MUC5B: variants seen among roughly 807,000 people sequenced by gnomAD.
The protein encoded by MUC5B is mucin-5B.
A neutral mutation model predicts 376.9 loss-of-function variants in MUC5B; 116 were observed. The observed-to-expected ratio is 0.31, with a 90% CI of 0.26 to 0.36. The LOEUF (loss-of-function observed/expected upper bound fraction) is 0.36, where lower values mean the gene tolerates loss of function less well. MUC5B is among the 10% of genes least tolerant of loss of function. The pLI, the probability that MUC5B is intolerant of heterozygous loss-of-function variation, is 1.00. For missense variants in MUC5B, 7,165 were observed against 7,769.9 expected, an observed-to-expected ratio of 0.92 and a Z score of 2.93; for synonymous variants, 3,517 against 3,390.9, an observed-to-expected ratio of 1.04 and a Z score of -1.29.
chr11:1,242,807 C>T lies in MUC5B; in HGVS notation c.5927C>T (p.Thr1976Ile), dbSNP rs1459544815. 1 of 1,613,704 alleles carries T rather than the reference C, an allele frequency of 6.2e-7. No homozygotes were observed. The highest frequency in any genetic ancestry group is 1.1e-5 in the South Asian group (1 of 91,072). ...PALRSTATTPTATSVTPIPSS... is the reference protein window; with the variant it reads ...PALRSTATTPIATSVTPIPSS... ...CTGAGAAGCACAGCCACCACACCCA[C>T]AGCTACCAGCGTTACACCCATCCCC... is the stretch of plus-strand genomic sequence containing the variant. The change falls in exon 31 of 49, where the codon ACA becomes ATA. Residue 1976 changes from threonine to isoleucine, a missense_variant. Coordinates refer to ENST00000529681, the MANE Select transcript of MUC5B (RefSeq NM_002458.3).
In MUC5B at chr11:1,260,214, A is replaced by G. The variant is rs1315104200; in HGVS notation, c.16923+129A>G. 7.3e-5 allele frequency: 98 copies of G among 1,333,504 alleles called. 2 individuals are homozygous for G. The African/African-American group carries it at 1.2e-3, about 17-fold the overall frequency. The allele number at this position is 1,333,504 out of a possible 1,614,324, so 82.6% of individuals were successfully genotyped here. On this transcript the variant is annotated intron_variant, in intron 46 of 48. Transcript: ENST00000529681. ...GGGGAGGCCCCACCCCTGCCTGGGA[A>G]GCCCCACCCCTGCCTGGGAGGCCCC...
At position 1,250,045 on chromosome 11, in the gene MUC5B, A is replaced by G. The variant is rs1311577009; in HGVS notation, c.13165A>G (p.Thr4389Ala). 23 of 1,610,014 alleles carry G rather than the reference A, an allele frequency of 1.4e-5. No homozygotes were observed. The highest frequency in any genetic ancestry group is 1.9e-5 in the Non-Finnish European group (22 of 1,177,904). Residue 4389 changes from threonine to alanine, a missense_variant, in exon 31 of 49, where the codon ACC (threonine) becomes GCC (alanine). Physicochemically the swap from Thr to Ala is moderately conservative, Grantham distance 58. This residue lies in a region of MUC5B where 431 missense variants were observed against 390.4 expected (regional missense o/e 1.10). Transcript: ENST00000529681. The part of the protein sequence containing the change: ...TSTPSSTPGT[T>A]WILTELTTAA... ...CACCCCCTCCTCCACTCCGGGGACGACCTGGATCCTCACAGAGCTGACCAC... is the reference window on the plus strand; with the variant it reads ...CACCCCCTCCTCCACTCCGGGGACGGCCTGGATCCTCACAGAGCTGACCAC...
At chr11:1,256,282 G>C (rs1357643221) in intron 38 of MUC5B, 57 bp downstream of exon 38, 1 of 711,290 alleles carries the variant, frequency 1.4e-6, no homozygotes, top group Non-Finnish European at 2.6e-6. Context: ...TGACCGGTCT[G>C]GGGGAGCAGG....
Position 1,241,965 on chromosome 11 carries a change from A to G in MUC5B, c.5085A>G (p.Thr1695=), listed in dbSNP as rs1862296255. ...GGGTGGCCACATCCACCCTTCCAACACGCTCAGCCCTTCCAGGGACGACGG... is the reference window on the plus strand; with the variant it reads ...GGGTGGCCACATCCACCCTTCCAACGCGCTCAGCCCTTCCAGGGACGACGG... ...VPGVATSTLP[T]RSALPGTTGS... Residue 1695 remains threonine (T), a synonymous_variant, in exon 31 of 49, where the codon ACA becomes ACG. Coordinates refer to ENST00000529681, the MANE Select transcript of MUC5B (RefSeq NM_002458.3). 1 of 1,602,626 alleles carries G rather than the reference A, an allele frequency of 6.2e-7. No individual in the cohort carries two copies. The highest frequency in any genetic ancestry group is 8.5e-7 in the Non-Finnish European group (1 of 1,175,144).
At position 1,226,883 on chromosome 11, in the gene MUC5B, C is replaced by T. The variant is rs369279237; in HGVS notation, c.461+7C>T. The T allele has an allele frequency of 6.4e-5, 103 of 1,600,856 alleles. No homozygotes were observed. The highest frequency in any genetic ancestry group is 5.4e-4 in the East Asian group (24 of 44,496). On this transcript the variant is annotated splice_region_variant and intron_variant, in intron 4 of 48. Transcript: ENST00000529681. Reference sequence around the variant, plus strand: ...TCCTCATCAATGGGCAGCGGTGAGCCGGCCACCCTGGGGAGGGGCGAGGGC... The same window carrying T: ...TCCTCATCAATGGGCAGCGGTGAGCTGGCCACCCTGGGGAGGGGCGAGGGC...
Position 1,244,902 on chromosome 11 carries a change from G to A in MUC5B, c.8022G>A (p.Met2674Ile). The change falls in exon 31 of 49, where the codon ATG (methionine) becomes ATA (isoleucine). Residue 2674 changes from methionine (M) to isoleucine (I), a missense_variant. Coordinates refer to ENST00000529681, the MANE Select transcript of MUC5B (RefSeq NM_002458.3). ...CCACAACTGTGGCCACTGGTTCTAT[G>A]GCAACACCCTCCTCTAGCACACAGA... ...TTTTTVATGS[M>I]ATPSSSTQTS... The A allele has an allele frequency of 6.2e-7, 1 of 1,604,834 alleles. No individual in the cohort carries two copies. The highest frequency in any genetic ancestry group is 2.3e-5 in the East Asian group (1 of 44,368).
In MUC5B at chr11:1,232,984, C is replaced by G; in HGVS notation, c.2066-29C>G. The G allele has an allele frequency of 2.6e-6, 4 of 1,544,916 alleles. No individual in the cohort carries two copies. In the South Asian group the frequency reaches 4.7e-5, roughly 18 times the overall value. On this transcript the variant is annotated intron_variant, in intron 17 of 48. Transcript: ENST00000529681. ...GCTGGCCAGGCTGCTCGGCCGCTGA[C>G]CTGTCCCCCCTGGCCCCACCGACCA...
rs768903752 is a variant in MUC5B, at chr11:1,260,327, C to T, written c.16924-24C>T. The T allele has an allele frequency of 5.6e-5, 91 of 1,610,894 alleles. No homozygotes were observed. The Admixed American group carries it at 1.5e-3, about 26-fold the overall frequency. The stretch of plus-strand genomic sequence containing the variant: ...CAGGGAGGCCCCGCCCACAGCCCTG[C>T]CCCCTGTCTTTGGCCCCCACCAGGG... On this transcript the variant is annotated intron_variant, in intron 46 of 48. Transcript: ENST00000529681.
Position 1,244,505 on chromosome 11 carries a change from C to T in MUC5B, c.7625C>T (p.Ser2542Phe), listed in dbSNP as rs781729906. ...GCTACCAGCTTTACAGCCATCCCCT[C>T]CTCCTCCCTGGGCACCACCTGGACC... ...PTATSFTAIP[S>F]SSLGTTWTRL... Residue 2542 changes from serine (S) to phenylalanine (F), a missense_variant, in exon 31 of 49, where the codon TCC becomes TTC. Physicochemically the swap from Ser to Phe is radical, Grantham distance 155 (BLOSUM62 -2). Coordinates refer to ENST00000529681, the MANE Select transcript of MUC5B (RefSeq NM_002458.3). 6.5e-6 allele frequency: 10 copies of T among 1,540,054 alleles called. No homozygotes were observed. In the South Asian group the frequency reaches 1.1e-4, roughly 17 times the overall value.
chr11:1,235,206 G>A lies in MUC5B; in HGVS notation c.2752G>A (p.Glu918Lys), dbSNP rs1279676095. 8.1e-6 allele frequency: 13 copies of A among 1,612,812 alleles called. No homozygotes were observed. Among genetic ancestry groups the A allele is most frequent in the African/African-American group, 1.3e-5 (1 of 74,878 alleles). The change falls in exon 22 of 49, where the codon GAG becomes AAG. Residue 918 changes from glutamate (E) to lysine (K), a missense_variant. This residue lies in a region of MUC5B where 530 missense variants were observed against 604.0 expected (regional missense o/e 0.88). Coordinates refer to ENST00000529681, the MANE Select transcript of MUC5B (RefSeq NM_002458.3). ...TCGCTACAGCTTTGAAGGCAGCTGC[G>A]AGTACATCTTGGCCCAGGTACGCCG... ...GDRYSFEGSC[E>K]YILAQDYCGD... is the part of the protein sequence containing the mutation.
At position 1,247,894 on chromosome 11, in the gene MUC5B, C is replaced by A. The variant is rs1364030502; in HGVS notation, c.11014C>A (p.Pro3672Thr). The change falls in exon 31 of 49, where the codon CCC (proline) becomes ACC (threonine). Residue 3672 changes from proline (P) to threonine (T), a missense_variant. By Grantham distance (38) the Pro-to-Thr change is conservative. Coordinates refer to ENST00000529681, the MANE Select transcript of MUC5B (RefSeq NM_002458.3). ...GTTCTGCTGCAACTACGGCCACTGC[C>A]CCAGCACCCCGGCCACCAGCTCTAC... is the stretch of plus-strand genomic sequence containing the variant. ...RVFCCNYGHC[P>T]STPATSSTAT... 6.2e-7 allele frequency: 1 copy of A among 1,611,392 alleles called. No individual in the cohort carries two copies. The highest frequency in any genetic ancestry group is 8.5e-7 in the Non-Finnish European group (1 of 1,178,928).
At chr11:1,254,017 C>A (rs535889992) in intron 33 of MUC5B, 75 bp from the exon 34 acceptor site, 51 of 1,536,248 alleles carry the variant, frequency 3.3e-5, no homozygotes, top group Non-Finnish European at 3.6e-5. Flanking sequence ...ACAGTGGTGA[C>A]GCTGGCTGCC....
At position 1,240,962 on chromosome 11, in the gene MUC5B, T is replaced by C. The variant is rs1425142029; in HGVS notation, c.4082T>C (p.Phe1361Ser). ...CTGGGAGGCGGAGACTTTGAGACGT[T>C]TGAAAACCTGAGGCAGAGAGGGTAC... ...PGLGGGDFET[F>S]ENLRQRGYQV... is the part of the protein sequence containing the mutation. Residue 1361 changes from phenylalanine (F) to serine (S), a missense_variant, in exon 31 of 49, where the codon TTT (phenylalanine) becomes TCT (serine). Phe to Ser is a radical substitution (Grantham distance 155). Coordinates refer to ENST00000529681, the MANE Select transcript of MUC5B (RefSeq NM_002458.3). 6.2e-7 allele frequency: 1 copy of C among 1,613,420 alleles called. No individual in the cohort carries two copies. The highest frequency in any genetic ancestry group is 1.7e-5 in the Admixed American group (1 of 60,030).
chr11:1,256,519 G>A (rs1414663847), intron 38 of MUC5B, 152 bp from the exon 39 acceptor site: 78 of 41,954 alleles, frequency 1.9e-3, no homozygotes, highest in East Asian at 4.4e-3. Context: ...AGCCCCACCC[G>A]TCCCCGCCCC....
chr11:1,251,213 TCCACACCTCCTCTACTCCAGAGACCAC>T lies in MUC5B; in HGVS notation c.14344_14370del (p.Ser4782_Ser4790del), dbSNP rs1207685202. On this transcript the variant is annotated inframe_deletion, in exon 31 of 49. Coordinates refer to ENST00000529681, the MANE Select transcript of MUC5B (RefSeq NM_002458.3). Reference sequence around the variant, plus strand: ...ACACCCATGTCCACCATGTCCACAATCCACACCTCCTCTACTCCAGAGACCACCCACACCTCCACAGTGCTGACCACC... The same window carrying T: ...ACACCCATGTCCACCATGTCCACAATCCACACCTCCACAGTGCTGACCACC... The T allele has an allele frequency of 6.2e-6, 10 of 1,609,794 alleles. No homozygotes were observed. The highest frequency in any genetic ancestry group is 8.5e-6 in the Non-Finnish European group (10 of 1,177,862).
In MUC5B at chr11:1,230,498, C is replaced by T. The variant is rs557025336; in HGVS notation, c.1368C>T (p.Ala456=). The change falls in exon 12 of 49, where the codon GCC becomes GCT. Residue 456 remains alanine (A), a synonymous_variant. Coordinates refer to ENST00000529681, the MANE Select transcript of MUC5B (RefSeq NM_002458.3). The part of the protein sequence containing the change: ...DCSYVLSKKC[A]DSSFTVLAEL... ...TGGGTCCTTCTCCCCAGAAATGTGC[C>T]GACAGCAGCTTCACCGTGCTGGCTG... The T allele has an allele frequency of 7.1e-5, 114 of 1,606,198 alleles. No homozygotes were observed. The East Asian group carries it at 8.7e-4, about 12-fold the overall frequency.
Position 1,235,396 on chromosome 11 carries a change from A to G in MUC5B, c.2863A>G (p.Ile955Val), listed in dbSNP as rs1862134426. ...CACCGGCACCACCTGCTCCAAGGCC[A>G]TCAAGCTCTTCGTGGAGGTGAGAAC... ...GTTGTTCSKA[I>V]KLFVESYELI... Residue 955 changes from isoleucine to valine, a missense_variant, in exon 23 of 49, where the codon ATC (isoleucine) becomes GTC (valine). Physicochemically the swap from Ile to Val is conservative, Grantham distance 29. Coordinates refer to ENST00000529681, the MANE Select transcript of MUC5B (RefSeq NM_002458.3). The G allele has an allele frequency of 2.5e-6, 4 of 1,611,894 alleles. No homozygotes were observed. The highest frequency in any genetic ancestry group is 3.4e-6 in the Non-Finnish European group (4 of 1,179,646).
chr11:1,239,785 C>G lies in MUC5B; in HGVS notation c.3584-14C>G, dbSNP rs758321964. On this transcript the variant is annotated splice_polypyrimidine_tract_variant and intron_variant, in intron 27 of 48. Coordinates refer to ENST00000529681, the MANE Select transcript of MUC5B (RefSeq NM_002458.3). ...GGGCCCTGGTGAGTCTTCTGCTCAC[C>G]CTGCCGGCCCTAGGCTGCTACCCGA... 6.2e-6 allele frequency: 10 copies of G among 1,605,096 alleles called. No individual in the cohort carries two copies. The African/African-American group carries it at 8.0e-5, about 13-fold the overall frequency.
At chr11:1,236,792 G>T in intron 24 of MUC5B, 133 bp from the exon 25 acceptor site, 2 of 1,220,608 alleles carry the variant, frequency 1.6e-6, no homozygotes, top group Non-Finnish European at 2.2e-6. Context: ...AAGTTCACCA[G>T]GCACTGCCTG....
Sources: gnomAD v4.1 joint callset for allele counts on GRCh38, gnomAD v4.1.1 for gene constraint, gnomAD v4.1.1 regional missense constraint, MANE v1.5 for transcripts, NCBI Gene and HGNC (gene_info 2026-07-23, HGNC 2026-07-21) for gene names.